Variants in CHPT1 observed in about 807,000 individuals in gnomAD.
CHPT1 encodes the protein choline phosphotransferase 1, also known as cholinephosphotransferase 1.
A neutral mutation model predicts 47.6 loss-of-function variants in CHPT1; 36 were observed. The ratio of observed to expected loss-of-function variants is 0.76; its 90% confidence interval spans 0.58 to 1.00. The LOEUF (loss-of-function observed/expected upper bound fraction) is 1.00, where lower values mean the gene tolerates loss of function less well. Ranked by LOEUF, CHPT1 falls within the 50% of genes least tolerant of loss-of-function variation. The pLI is 0.00. For synonymous variants in CHPT1, 194 were observed against 186.3 expected (o/e 1.04, Z -0.33); for missense variants, 458 against 498.1 (o/e 0.92, Z 0.77).
chr12:101,728,826 A>T (rs1210403847), intron 8 of CHPT1, 75 bp from the exon 9 acceptor site: 22 of 1,535,486 alleles, frequency 1.4e-5, no homozygotes, highest in Middle Eastern at 2.1e-4. Flanking sequence ...ATGATTAAAG[A>T]TGTTACAATT....
chr12:101,721,072 A>T (rs965081623), intron 5 of CHPT1, among the ~76,000 whole-genome samples: 1 of 152,124 alleles, frequency 6.6e-6, no homozygotes, highest in Non-Finnish European at 1.5e-5. Context: ...ACTTGAGGTC[A>T]AGAGTTCGAG....
intron 1 of CHPT1, among the ~76,000 whole-genome samples, chr12:101,704,904 TGA>T (rs1341374995): frequency 1.5e-5 from 1 of 68,290 alleles, no homozygotes; most frequent in Non-Finnish European, 2.6e-5. Context: ...ATTTTCACAA[TGA>T]GAGAGGAGCA....
intron 4 of CHPT1, among the ~76,000 whole-genome samples, chr12:101,718,934 A>G (rs1457936319): frequency 6.6e-6 from 1 of 152,084 alleles, no homozygotes; most frequent in African/African-American, 2.4e-5. Context: ...GTACGGGCAG[A>G]TCACCTGAGG....
intron 1 of CHPT1, among the ~76,000 whole-genome samples, chr12:101,706,969 A>G (rs1951643126): frequency 6.6e-6 from 1 of 152,362 alleles, no homozygotes; most frequent in Non-Finnish European, 1.5e-5. Flanking sequence ...TTATATTTGT[A>G]TACCTGAGGT....
intron 4 of CHPT1, among the ~76,000 whole-genome samples, chr12:101,718,789 A>G (rs1951803495): frequency 6.6e-6 from 1 of 152,126 alleles, no homozygotes; most frequent in South Asian, 2.1e-4. Context: ...ATTCTTCAAT[A>G]CATTCATATT....
rs376353342 is a variant in CHPT1 at position 101,705,664 on chromosome 12, A to G, written c.273+7530A>G. Among the ~76,000 whole-genome samples, 87 of 106,184 alleles carry G rather than the reference A, an allele frequency of 8.2e-4. 2 individuals are homozygous for G. The East Asian group carries it at 0.021, about 26-fold the overall frequency. 69.7% of individuals were successfully genotyped at this position (106,184 alleles called of 152,430 possible). A position where few individuals can be genotyped will look rare whatever the true frequency, so the allele number is the denominator to read the frequency against. On this transcript the variant is annotated intron_variant, in intron 1 of 8. Transcript: ENST00000229266. ...ATTTAGCCAGTAAGTAGCAGAGCAA[A>G]TGTGGGTGCAAGTAGAGTCTAGAGT...
chr12:101,704,060 G>T (rs1951594411), intron 1 of CHPT1, among the ~76,000 whole-genome samples: 1 of 152,188 alleles, frequency 6.6e-6, no homozygotes, highest in Non-Finnish European at 1.5e-5. Flanking sequence ...TATGAAGAAA[G>T]AAGTCAATGT....
At chr12:101,716,947 G>T (rs1219001063) in intron 4 of CHPT1, 135 bp downstream of exon 4, 6 of 557,110 alleles carry the variant, frequency 1.1e-5, no homozygotes, top group African/African-American at 5.8e-5. Flanking sequence ...TTTAATATTT[G>T]TTCCATTTCT....
At position 101,697,911 on chromosome 12, in the gene CHPT1, T is replaced by A; in HGVS notation, c.50T>A (p.Leu17Gln). Residue 17 changes from leucine (L) to glutamine (Q), a missense_variant, in exon 1 of 9, where the codon CTG (leucine) becomes CAG (glutamine). Coordinates refer to ENST00000229266, the MANE Select transcript of CHPT1 (RefSeq NM_020244.3). ...TCCGCGCCGCGCTGGCTGAGGGCGC[T>A]GAGCGAGCCGCTGAGCGCGGCGCAG... ...AGSAPRWLRA[L>Q]SEPLSAAQLR... is the part of the protein sequence containing the mutation. The A allele has an allele frequency of 7.2e-7, 1 of 1,395,782 alleles. No homozygotes were observed. Among genetic ancestry groups the A allele is most frequent in the Non-Finnish European group, 9.3e-7 (1 of 1,076,052 alleles). The allele number at this position is 1,395,782 out of a possible 1,614,324, so 86.5% of individuals were successfully genotyped here.
chr12:101,714,714 T>A (rs1951740483), intron 3 of CHPT1, 69 bp downstream of exon 3: 1 of 1,461,334 alleles, frequency 6.8e-7, no homozygotes, highest in Non-Finnish European at 9.2e-7. Context: ...TGTTATGTCA[T>A]TCATCGATAA....
intron 1 of CHPT1, among the ~76,000 whole-genome samples, chr12:101,704,864 A>C (rs1375344056): frequency 1.4e-5 from 1 of 69,110 alleles, no homozygotes; most frequent in Non-Finnish European, 2.7e-5. Flanking sequence ...CAGCACTTTT[A>C]TAAACATTTT....
At chr12:101,708,071 T>C (rs920558605) in intron 1 of CHPT1, among the ~76,000 whole-genome samples, 1 of 152,210 alleles carries the variant, frequency 6.6e-6, no homozygotes, top group African/African-American at 2.4e-5. Flanking sequence ...GTATAAGCTT[T>C]GTGTCTTTGA....
At chr12:101,718,983 C>T (rs1951806251) in intron 4 of CHPT1, among the ~76,000 whole-genome samples, 1 of 151,620 alleles carries the variant, frequency 6.6e-6, no homozygotes, top group Admixed American at 6.6e-5. Context: ...ATGGCAAAAC[C>T]CTGTCTCTGC....
intron 1 of CHPT1, among the ~76,000 whole-genome samples, chr12:101,708,089 G>A (rs930718138): frequency 2.6e-5 from 4 of 152,118 alleles, no homozygotes; most frequent in Non-Finnish European, 5.9e-5. Context: ...TGAGACTATG[G>A]TAGGAGTGTA....
chr12:101,716,941 A>G (rs868753044), intron 4 of CHPT1, 129 bp downstream of exon 4: 73 of 571,830 alleles, frequency 1.3e-4, no homozygotes, highest in African/African-American at 1.2e-3. Context: ...GGTGTATTTA[A>G]TATTTGTTCC....
intron 5 of CHPT1, among the ~76,000 whole-genome samples, chr12:101,721,703 A>G (rs1355203936): frequency 6.6e-6 from 1 of 152,224 alleles, no homozygotes; most frequent in Non-Finnish European, 1.5e-5. Flanking sequence ...AACATAGAAC[A>G]ATAGTTGGAA....
At chr12:101,728,783 AC>A in intron 8 of CHPT1, 117 bp from the exon 9 acceptor site, 1 of 1,169,198 alleles carries the variant, frequency 8.6e-7, no homozygotes, top group Non-Finnish European at 1.2e-6. Context: ...ATTTGACTTA[AC>A]AGAAAGGGAG....
At position 101,723,672 on chromosome 12, in the gene CHPT1, AAC is replaced by A. The variant is rs756911163; in HGVS notation, c.940-46_940-45del. 1.1e-4 allele frequency: 121 copies of A among 1,127,426 alleles called. No homozygotes were observed. In the Middle Eastern group the frequency reaches 1.3e-3, roughly 12 times the overall value. The allele number at this position is 1,127,426 out of a possible 1,614,324, so 69.8% of individuals were successfully genotyped here. A position where few individuals can be genotyped will look rare whatever the true frequency, so the allele number is the denominator to read the frequency against. On this transcript the variant is annotated intron_variant, in intron 6 of 8. Coordinates refer to ENST00000229266, the MANE Select transcript of CHPT1 (RefSeq NM_020244.3). ...TATAATTAATTCTGTCGTAAAAGCT[AAC>A]ACATTTAAAACTTAATAGTAAAATT...
Position 101,702,236 on chromosome 12 carries a change from C to T in CHPT1, c.273+4102C>T, listed in dbSNP as rs148000459. On this transcript the variant is annotated intron_variant, in intron 1 of 8. Transcript: ENST00000229266. ...TGCACTTGTGTTTGACTGGTATAAA[C>T]TGTTACTCCATTCTCTATTACATAT... Among the ~76,000 whole-genome samples the T allele has an allele frequency of 3.9e-5, 6 of 152,314 alleles. No homozygotes were observed. In the East Asian group the frequency reaches 1.2e-3, roughly 29 times the overall value.
Sources: allele counts gnomAD v4.1 joint callset (sites outside exome capture counted in the v4.1 genomes callset), GRCh38; gene constraint gnomAD v4.1.1; transcripts MANE v1.5; gene names NCBI Gene and HGNC (gene_info 2026-07-23, HGNC 2026-07-21).